RANBP17: variants seen among roughly 807,000 people sequenced by gnomAD.
RANBP17 encodes ran-binding protein 17.
Under a neutral mutation model 141.2 loss-of-function variants are expected in RANBP17, and 158 were observed. The ratio of observed to expected loss-of-function variants is 1.12; its 90% CI spans 0.98 to 1.28. The LOEUF (loss-of-function observed/expected upper bound fraction) is 1.28, where lower values mean the gene tolerates loss of function less well. Ranked by LOEUF, RANBP17 falls within the 50% of genes most tolerant of loss-of-function variation. The pLI is 0.00. For missense variants in RANBP17, 1,438 were observed against 1,290.7 expected, an observed-to-expected ratio of 1.11 and a Z score of -1.75; for synonymous variants, 430 against 450.0, an observed-to-expected ratio of 0.96 and a Z score of 0.56.
At chr5:171,188,770 A>G (rs991015957) in intron 18 of RANBP17, among the ~76,000 whole-genome samples, 8 of 152,218 alleles carry the variant, frequency 5.3e-5, no homozygotes, top group Non-Finnish European at 1.0e-4. Context: ...AAACAACAGG[A>G]TAGCACTATC....
chr5:171,097,632 A>G (rs1297932305), intron 14 of RANBP17, among the ~76,000 whole-genome samples: 2 of 147,326 alleles, frequency 1.4e-5, no homozygotes, highest in Non-Finnish European at 3.0e-5. Context: ...TATTATTATT[A>G]TTATTATTAT....
chr5:171,245,946 T>G (rs1003626798), intron 24 of RANBP17, among the ~76,000 whole-genome samples: 1 of 150,902 alleles, frequency 6.6e-6, no homozygotes, highest in Non-Finnish European at 1.5e-5. Flanking sequence ...TGGCATGATC[T>G]CGGCTCACTG....
chr5:171,194,155 A>G (rs1207527332), intron 18 of RANBP17, among the ~76,000 whole-genome samples: 1 of 152,182 alleles, frequency 6.6e-6, no homozygotes, highest in Non-Finnish European at 1.5e-5. Context: ...TTTTGTGTAC[A>G]TTTCGGAGGG....
At chr5:170,923,626 C>T (rs1772660871) in intron 11 of RANBP17, among the ~76,000 whole-genome samples, 1 of 152,150 alleles carries the variant, frequency 6.6e-6, no homozygotes, top group Non-Finnish European at 1.5e-5. Context: ...AGTCTCTGAG[C>T]ATGTCTATCT....
intron 1 of RANBP17, among the ~76,000 whole-genome samples, 159 bp from the exon 2 acceptor site, chr5:170,877,938 T>C (rs1224077651): frequency 1.3e-5 from 2 of 152,232 alleles, no homozygotes; most frequent in Non-Finnish European, 2.9e-5. Flanking sequence ...TGGGCCTGTT[T>C]TGTTTGCAAC....
rs755048645 is a variant in RANBP17 at position 171,205,613 on chromosome 5, G to A, written c.2231+1G>A. 1.2e-6 allele frequency: 2 copies of A among 1,611,188 alleles called. No individual in the cohort carries two copies. Among genetic ancestry groups the A allele is most frequent in the Middle Eastern group, 1.7e-4 (1 of 6,052 alleles). ...GCTACACCATGCTGTTTGACTGGAT[G>A]TATCCTTATTACACTGTGACAATAC... On this transcript the variant is annotated splice_donor_variant, in intron 20 of 27. Coordinates refer to ENST00000523189, the MANE Select transcript of RANBP17 (RefSeq NM_022897.5). LOFTEE classifies it high-confidence loss of function.
chr5:171,090,838 G>A (rs1786201531), intron 14 of RANBP17, among the ~76,000 whole-genome samples: 2 of 152,156 alleles, frequency 1.3e-5, no homozygotes, highest in Non-Finnish European at 2.9e-5. Context: ...TTGAGCCTGC[G>A]GGTGCACAGA....
chr5:171,299,379 A>C lies in RANBP17; in HGVS notation c.*521A>C. On this transcript the variant is annotated 3_prime_UTR_variant, in exon 28 of 28. Coordinates refer to ENST00000523189, the MANE Select transcript of RANBP17 (RefSeq NM_022897.5). ...CTGGAAGCACTACAGAGCATCCCAC[A>C]GGACCACACGCAGGCCTCCCTGCCT... 1 of 232,360 alleles carries C rather than the reference A, an allele frequency of 4.3e-6. No individual in the cohort carries two copies. The highest frequency in any genetic ancestry group is 8.5e-6 in the Non-Finnish European group (1 of 117,256). 14.4% of individuals were successfully genotyped at this position (232,360 alleles called of 1,614,324 possible).
chr5:171,017,851 T>C (rs1780558245), intron 14 of RANBP17, among the ~76,000 whole-genome samples: 1 of 152,216 alleles, frequency 6.6e-6, no homozygotes, highest in Non-Finnish European at 1.5e-5. Context: ...TGAATGGTGT[T>C]GGTTAGGTTT....
intron 14 of RANBP17, among the ~76,000 whole-genome samples, chr5:171,021,530 A>G (rs1290100156): frequency 2.6e-5 from 4 of 152,116 alleles, no homozygotes; most frequent in South Asian, 2.1e-4. Context: ...TTGATCTTCA[A>G]TCTCTGATAT....
chr5:171,276,248 A>T (rs1003521420), intron 25 of RANBP17, among the ~76,000 whole-genome samples: 7 of 152,230 alleles, frequency 4.6e-5, no homozygotes, highest in Non-Finnish European at 1.0e-4. Flanking sequence ...CTTTTTGAAT[A>T]AGTCACATCT....
chr5:171,050,796 C>A (rs562880941), intron 14 of RANBP17, among the ~76,000 whole-genome samples: 1 of 152,136 alleles, frequency 6.6e-6, no homozygotes, highest in Non-Finnish European at 1.5e-5. Flanking sequence ...ACATACTTTC[C>A]CTTTTGTCTG....
chr5:171,038,426 G>A lies in RANBP17; in HGVS notation c.1710+70049G>A, dbSNP rs184533389. Among the ~76,000 whole-genome samples, 718 of 151,972 alleles carry A rather than the reference G, an allele frequency of 4.7e-3. 4 individuals are homozygous for A. Among genetic ancestry groups the A allele is most frequent in the African/African-American group, 0.017 (696 of 41,438 alleles). ...GATAGTTTGACTTCTTTTCCTATTT[G>A]CATGCCTTTTATTTCATTCTCTTGC... On this transcript the variant is annotated intron_variant, in intron 14 of 27. Transcript: ENST00000523189.
At position 170,910,350 on chromosome 5, in the gene RANBP17, A is replaced by G. The variant is rs142919114; in HGVS notation, c.594+585A>G. The G allele has an allele frequency of 5.9e-3, 905 of 152,784 alleles. 11 individuals carry two copies. Among genetic ancestry groups the G allele is most frequent in the Non-Finnish European group, 9.1e-3 (622 of 68,468 alleles). 9.5% of individuals were successfully genotyped at this position (152,784 alleles called of 1,614,324 possible). A position where few individuals can be genotyped will look rare whatever the true frequency, so the allele number is the denominator to read the frequency against. On this transcript the variant is annotated intron_variant, in intron 6 of 27. Transcript: ENST00000523189. ...ATAGCATTGCTGAAAGTATGCTTCA[A>G]TAAGCACTAGTTTCCATTTATTTCA...
In RANBP17 at chr5:171,105,873, A is replaced by G. The variant is rs544034522; in HGVS notation, c.1711-64257A>G. 4.6e-5 allele frequency among the ~76,000 whole-genome samples: 7 copies of G among 152,278 alleles called. 1 individual carries two copies. In the South Asian group the frequency reaches 1.5e-3, roughly 32 times the overall value. ...TGTGGGGATATTGTTGGAAAAAAAT[A>G]TGATTAGGATTTATTATACATTCTT... On this transcript the variant is annotated intron_variant, in intron 14 of 27. Coordinates refer to ENST00000523189, the MANE Select transcript of RANBP17 (RefSeq NM_022897.5).
chr5:171,054,461 G>A (rs924321625), intron 14 of RANBP17, among the ~76,000 whole-genome samples: 1 of 152,160 alleles, frequency 6.6e-6, no homozygotes, highest in Non-Finnish European at 1.5e-5. Flanking sequence ...ACATTGCCAT[G>A]GCATTTGTAA....
intron 14 of RANBP17, among the ~76,000 whole-genome samples, chr5:171,094,124 G>A (rs1025428323): frequency 3.9e-5 from 6 of 152,096 alleles, no homozygotes; most frequent in Non-Finnish European, 7.4e-5. Flanking sequence ...GGAGACTCAG[G>A]TTCTGAAACA....
chr5:170,995,679 C>T (rs1201193729), intron 14 of RANBP17, among the ~76,000 whole-genome samples: 1 of 152,102 alleles, frequency 6.6e-6, no homozygotes, highest in Non-Finnish European at 1.5e-5. Flanking sequence ...AAGTTTTGTT[C>T]TTTACCCCAT....
chr5:171,198,668 T>C (rs1762119836), intron 18 of RANBP17, among the ~76,000 whole-genome samples: 1 of 152,214 alleles, frequency 6.6e-6, no homozygotes, highest in African/African-American at 2.4e-5. Flanking sequence ...CAAGTGATGT[T>C]GATGCTCCCA....
Sources: gnomAD v4.1 joint callset for allele counts (sites outside exome capture counted in the v4.1 genomes callset) on GRCh38, gnomAD v4.1.1 for gene constraint, MANE v1.5 for transcripts, NCBI Gene and HGNC (gene_info 2026-07-23, HGNC 2026-07-21) for gene names.